Variants in GPSM1 observed in about 807,000 individuals in gnomAD.
GPSM1 encodes G protein-signaling modulator 1.
In GPSM1, 48 loss-of-function variants were observed where a neutral mutation model predicts 70.5. The observed-to-expected ratio is 0.68, with a 90% CI of 0.54 to 0.87. The LOEUF is 0.87. Among genes scored for constraint, GPSM1 ranks in the 40% least tolerant of loss-of-function variants. The probability of loss-of-function intolerance (pLI) is 0.00; values close to 1 mark genes in which losing one functional copy is unlikely to be tolerated. For synonymous variants in GPSM1, 416 were observed against 430.1 expected, an observed-to-expected ratio of 0.97 and a Z score of 0.41; for missense variants, 981 against 972.6, an observed-to-expected ratio of 1.01 and a Z score of -0.11.
chr9:136,338,766 C>G, intron 7 of GPSM1, 56 bp downstream of exon 7: 1 of 1,493,002 alleles, frequency 6.7e-7, no homozygotes, highest in Non-Finnish European at 8.9e-7. Context: ...GCTGAATTAC[C>G]GCGGCCCAGG....
intron 11 of GPSM1, among the ~76,000 whole-genome samples, chr9:136,353,767 C>A (rs566013479): frequency 6.6e-6 from 1 of 152,090 alleles, no homozygotes; most frequent in Admixed American, 6.5e-5. Flanking sequence ...GAGGCAGAGG[C>A]CCCCCGCGGC....
intron 1 of GPSM1, among the ~76,000 whole-genome samples, chr9:136,331,364 G>GCCC (rs33950584): frequency 0.012 from 1,516 of 126,258 alleles, 42 homozygotes; most frequent in Non-Finnish European, 0.014. Context: ...AGGACTCTGA[G>GCCC]CCCCCCCCCC....
chr9:136,356,215 G>A, intron 12 of GPSM1, 127 bp from the exon 13 acceptor site: 1 of 759,622 alleles, frequency 1.3e-6, no homozygotes, highest in Non-Finnish European at 2.1e-6. Context: ...ACTCCCCCAG[G>A]AGCCATGGCC....
rs375965195 is a variant in GPSM1, at chr9:136,343,686, A to G, written c.1207+2693A>G. 1.0e-3 allele frequency among the ~76,000 whole-genome samples: 154 copies of G among 152,324 alleles called. No individual in the cohort carries two copies. Among genetic ancestry groups the G allele is most frequent in the East Asian group, 4.1e-3 (21 of 5,176 alleles). On this transcript the variant is annotated intron_variant, in intron 9 of 13. Coordinates refer to ENST00000440944, the MANE Select transcript of GPSM1 (RefSeq NM_001145638.3). The surrounding 1 kb of genome is among the most constrained non-coding windows in gnomAD (Gnocchi z 6.0). ...GACCCACTTGTGCCTCAGTGTCCCC[A>G]TCTGGGGAACGGGCCCATCAGTAGT...
In GPSM1 at chr9:136,340,547, G is replaced by T. The variant is rs782618487; in HGVS notation, c.1084-323G>T. Among the ~76,000 whole-genome samples the T allele has an allele frequency of 6.6e-6, 1 of 152,054 alleles. No homozygotes were observed. The highest frequency in any genetic ancestry group is 1.5e-5 in the Non-Finnish European group (1 of 68,000). On this transcript the variant is annotated intron_variant, in intron 8 of 13. Coordinates refer to ENST00000440944, the MANE Select transcript of GPSM1 (RefSeq NM_001145638.3). This position sits in a 1 kb window ranked among gnomAD's most constrained non-coding sequence, Gnocchi z 7.3. Reference sequence around the variant, plus strand: ...CAGAGCCTCGGCGCACAAGGCAGGGGCTGAGAGAGGTGCAGCCGGGCGGGG... The same window carrying T: ...CAGAGCCTCGGCGCACAAGGCAGGGTCTGAGAGAGGTGCAGCCGGGCGGGG...
chr9:136,335,155 G>C (rs1369885861), intron 2 of GPSM1, among the ~76,000 whole-genome samples: 1 of 152,122 alleles, frequency 6.6e-6, no homozygotes, highest in African/African-American at 2.4e-5. Flanking sequence ...GTGTGGCTCA[G>C]AGCCCCACCC....
chr9:136,354,769 T>C (rs1329816053), intron 11 of GPSM1: 9 of 957,842 alleles, frequency 9.4e-6, no homozygotes, highest in African/African-American at 1.8e-5. Flanking sequence ...GCGGGGTTCA[T>C]TCCTTCGAGT....
chr9:136,328,797 G>A (rs1322945488), intron 1 of GPSM1, among the ~76,000 whole-genome samples: 2 of 152,198 alleles, frequency 1.3e-5, no homozygotes, highest in Non-Finnish European at 2.9e-5. Flanking sequence ...TGGGCCCCAC[G>A]CAGGGGAGGG....
At chr9:136,352,613 C>A (rs943978672) in intron 11 of GPSM1, among the ~76,000 whole-genome samples, 1 of 152,222 alleles carries the variant, frequency 6.6e-6, no homozygotes, top group South Asian at 2.1e-4. Context: ...GGGGAGCCAC[C>A]GAGGGCTGTG....
intron 13 of GPSM1, among the ~76,000 whole-genome samples, 156 bp downstream of exon 13, chr9:136,356,706 G>A (rs1431372473): frequency 6.6e-6 from 1 of 152,146 alleles, no homozygotes; most frequent in African/African-American, 2.4e-5. Flanking sequence ...GTCACCACAT[G>A]ACCAGGGGTG....
At chr9:136,339,666 C>T in intron 7 of GPSM1, 41 bp from the exon 8 acceptor site, 1 of 1,370,610 alleles carries the variant, frequency 7.3e-7, no homozygotes, top group Non-Finnish European at 1.0e-6. Context: ...GGGGGCTGGC[C>T]TGGAGAGGGC....
chr9:136,349,892 G>A, intron 11 of GPSM1, 129 bp downstream of exon 11: 1 of 813,062 alleles, frequency 1.2e-6, no homozygotes, highest in Non-Finnish European at 1.9e-6. Context: ...TCCCTCCCCG[G>A]TGCACCTGGT....
intron 1 of GPSM1, among the ~76,000 whole-genome samples, chr9:136,333,019 A>G (rs536955897): frequency 1.3e-5 from 2 of 152,186 alleles, no homozygotes; most frequent in Non-Finnish European, 2.9e-5. Context: ...TATAAAAATA[A>G]TAATGGTAAC....
chr9:136,333,030 A>G (rs192396479), intron 1 of GPSM1, among the ~76,000 whole-genome samples: 123 of 152,280 alleles, frequency 8.1e-4, no homozygotes, highest in Admixed American at 2.5e-3. Flanking sequence ...TAATGGTAAC[A>G]TAAGTTTTAA....
At chr9:136,350,990 T>C (rs569001308) in intron 11 of GPSM1, among the ~76,000 whole-genome samples, 18 of 152,256 alleles carry the variant, frequency 1.2e-4, no homozygotes, top group Non-Finnish European at 1.8e-4. Flanking sequence ...TGGTTGGTGT[T>C]CAGGGGCACC....
intron 11 of GPSM1, among the ~76,000 whole-genome samples, chr9:136,354,433 G>A (rs1274095797): frequency 6.6e-6 from 1 of 152,240 alleles, no homozygotes; most frequent in Non-Finnish European, 1.5e-5. Context: ...GGGAATTCCA[G>A]GCAGCATCGG....
At chr9:136,339,161 G>A (rs947347768) in intron 7 of GPSM1, among the ~76,000 whole-genome samples, 1 of 152,336 alleles carries the variant, frequency 6.6e-6, no homozygotes, top group East Asian at 1.9e-4. Context: ...AGTGGCCCAA[G>A]GTTTTCCTTT....
At position 136,341,127 on chromosome 9, in the gene GPSM1, GTTC is replaced by G. The variant is rs782276364; in HGVS notation, c.1207+140_1207+142del. ...GCCAGAAAATGGCGCCTACAAGCCA[GTTC>G]TTCTTGGCCTCAGGGACAGCACAGG... On this transcript the variant is annotated intron_variant, in intron 9 of 13. Coordinates refer to ENST00000440944, the MANE Select transcript of GPSM1 (RefSeq NM_001145638.3). This position sits in a 1 kb window ranked among gnomAD's most constrained non-coding sequence, Gnocchi z 6.7. 1.7e-5 allele frequency: 27 copies of G among 1,550,026 alleles called. No homozygotes were observed. Among genetic ancestry groups the G allele is most frequent in the East Asian group, 4.9e-5 (2 of 40,944 alleles).
chr9:136,328,073 G>A (rs1832019994), intron 1 of GPSM1, among the ~76,000 whole-genome samples: 1 of 152,146 alleles, frequency 6.6e-6, no homozygotes, highest in Non-Finnish European at 1.5e-5. Flanking sequence ...TCCCTCCCAA[G>A]CCTGGCCCTG....
Sources: gnomAD v4.1 joint callset for allele counts (sites outside exome capture counted in the v4.1 genomes callset) on GRCh38, gnomAD v4.1.1 for gene constraint, Gnocchi (gnomAD v3.1) non-coding constraint, MANE v1.5 for transcripts, NCBI Gene and HGNC (gene_info 2026-07-23, HGNC 2026-07-21) for gene names.